MCCC2: variants seen among roughly 807,000 people sequenced by gnomAD.
MCCC2 encodes the protein methylcrotonoyl-CoA carboxylase beta chain, mitochondrial.
MCCC2 carries 52 observed loss-of-function variants against 77.2 expected under a neutral mutation model. The ratio of observed to expected loss-of-function variants is 0.67; its 90% confidence interval spans 0.54 to 0.85. MCCC2 has a LOEUF of 0.85. Among genes scored for constraint, MCCC2 ranks in the 40% least tolerant of loss-of-function variants. The pLI is 0.00. For missense variants in MCCC2, 682 were observed against 703.2 expected, an observed-to-expected ratio of 0.97 and a Z score of 0.34; for synonymous variants, 253 against 248.4, an observed-to-expected ratio of 1.02 and a Z score of -0.18.
intron 2 of MCCC2, among the ~76,000 whole-genome samples, chr5:71,595,903 A>G (rs1330338956): frequency 1.3e-5 from 2 of 152,230 alleles, no homozygotes; most frequent in African/African-American, 2.4e-5. Context: ...TTTACCTGGT[A>G]CAAATGAAGA....
rs1746539775 is a variant in MCCC2 at position 71,626,734 on chromosome 5, T to C, written c.719T>C (p.Phe240Ser). The C allele has an allele frequency of 1.2e-6, 2 of 1,614,198 alleles. No individual in the cohort carries two copies. The highest frequency in any genetic ancestry group is 2.2e-5 in the East Asian group (1 of 44,882). Residue 240 changes from phenylalanine to serine, a missense_variant, in exon 7 of 17, where the codon TTC becomes TCC. Phe to Ser is a radical substitution (Grantham distance 155). Transcript: ENST00000340941. ...NIIVRKQGTI[F>S]LAGPPLVKAA... ...ATTGTACGCAAGCAGGGTACCATTT[T>C]CTTGGCAGGACCCCCCTTGGTAAGA...
At chr5:71,641,394 A>G (rs1747118972) in intron 11 of MCCC2, 1 of 335,586 alleles carries the variant, frequency 3.0e-6, no homozygotes, top group Non-Finnish European at 5.6e-6. Context: ...GTTTTTCTGG[A>G]TAACAATAAT....
intron 16 of MCCC2, among the ~76,000 whole-genome samples, chr5:71,655,509 C>T (rs920510533): frequency 3.3e-5 from 5 of 152,172 alleles, no homozygotes; most frequent in Non-Finnish European, 7.3e-5. Context: ...CCCTTCATCA[C>T]CATGCTTGCT....
chr5:71,623,151 A>G (rs1323046100), intron 6 of MCCC2, among the ~76,000 whole-genome samples: 1 of 152,244 alleles, frequency 6.6e-6, no homozygotes, highest in Non-Finnish European at 1.5e-5. Context: ...GATGCACTTC[A>G]ATTGTAGTCA....
intron 2 of MCCC2, among the ~76,000 whole-genome samples, chr5:71,594,836 C>G (rs1745111441): frequency 6.6e-6 from 1 of 151,876 alleles, no homozygotes; most frequent in African/African-American, 2.4e-5. Flanking sequence ...CCAGCTGCTC[C>G]AAATTGTAAG....
intron 6 of MCCC2, among the ~76,000 whole-genome samples, chr5:71,604,897 C>T: frequency 7.0e-6 from 1 of 143,614 alleles, no homozygotes; most frequent in Non-Finnish European, 1.5e-5. Context: ...CATGTCCCTA[C>T]AAAGGACATG....
chr5:71,624,289 C>A (rs542713173), intron 6 of MCCC2, among the ~76,000 whole-genome samples: 24 of 152,352 alleles, frequency 1.6e-4, no homozygotes, highest in African/African-American at 5.8e-4. Context: ...GGAGGAGACA[C>A]AAACATTCAG....
chr5:71,611,157 T>C (rs1296134399), intron 6 of MCCC2, among the ~76,000 whole-genome samples: 1 of 152,102 alleles, frequency 6.6e-6, no homozygotes, highest in Non-Finnish European at 1.5e-5. Context: ...TCCCAGCACT[T>C]TGGGAGGCTG....
chr5:71,614,106 T>G (rs1746070962), intron 6 of MCCC2, among the ~76,000 whole-genome samples: 1 of 151,966 alleles, frequency 6.6e-6, no homozygotes, highest in South Asian at 2.1e-4. Flanking sequence ...TCTATTTCCC[T>G]TAAATAGGAA....
At chr5:71,645,160 A>C (rs1057121992) in intron 12 of MCCC2, among the ~76,000 whole-genome samples, 15 of 152,168 alleles carry the variant, frequency 9.9e-5, no homozygotes, top group Non-Finnish European at 1.6e-4. Flanking sequence ...TTTATTTGTC[A>C]GCTTGGTACA....
chr5:71,652,624 A>G (rs1371782358), intron 15 of MCCC2, 45 bp from the exon 16 acceptor site: 1 of 1,444,048 alleles, frequency 6.9e-7, no homozygotes, highest in Non-Finnish European at 9.7e-7. Flanking sequence ...AAACAGGGCC[A>G]GTTGTTCACT....
In MCCC2 at chr5:71,630,569, C is replaced by G. The variant is rs562061054; in HGVS notation, c.739-1552C>G. On this transcript the variant is annotated intron_variant, in intron 7 of 16. Transcript: ENST00000340941. Reference sequence around the variant, plus strand: ...TTTGCAACTTTAAATATCCAGACACCTCTTATAATTTGTTATTGTCTGGAC... The same window carrying G: ...TTTGCAACTTTAAATATCCAGACACGTCTTATAATTTGTTATTGTCTGGAC... Among the ~76,000 whole-genome samples, 8 of 151,810 alleles carry G rather than the reference C, an allele frequency of 5.3e-5. No homozygotes were observed. The South Asian group carries it at 1.7e-3, about 32-fold the overall frequency.
In MCCC2 at chr5:71,639,192, C is replaced by T. The variant is rs114439441; in HGVS notation, c.1000-1811C>T. ...ACGAGAGAGTAAGCCTGTCCTCAGA[C>T]GACGTGCACTAACCTCTCCCCAGCT... On this transcript the variant is annotated intron_variant, in intron 10 of 16. Transcript: ENST00000340941. Among the ~76,000 whole-genome samples, 469 of 152,308 alleles carry T rather than the reference C, an allele frequency of 3.1e-3. 2 individuals carry two copies. The highest frequency in any genetic ancestry group is 0.011 in the African/African-American group (441 of 41,560).
At chr5:71,591,843 C>T (rs1744997066) in intron 1 of MCCC2, among the ~76,000 whole-genome samples, 1 of 152,198 alleles carries the variant, frequency 6.6e-6, no homozygotes, top group Admixed American at 6.5e-5. Context: ...GCTTCAAACT[C>T]CTGGGCTCAA....
intron 6 of MCCC2, among the ~76,000 whole-genome samples, chr5:71,609,858 G>T (rs1745847877): frequency 6.6e-6 from 1 of 151,982 alleles, no homozygotes; most frequent in African/African-American, 2.4e-5. Context: ...CTGCTGGGGG[G>T]TGCCTCCCAG....
chr5:71,636,979 G>A (rs951141806), intron 10 of MCCC2, among the ~76,000 whole-genome samples: 23 of 151,880 alleles, frequency 1.5e-4, no homozygotes, highest in African/African-American at 5.1e-4. Context: ...CCTGACCTTA[G>A]GTGATCCGCC....
chr5:71,598,071 C>CTTTT (rs541775693), intron 3 of MCCC2, among the ~76,000 whole-genome samples: 5 of 129,482 alleles, frequency 3.9e-5, no homozygotes, highest in South Asian at 2.5e-4. Flanking sequence ...GTGAGTGTTT[C>CTTTT]TTTTTTTTTT....
In MCCC2 at chr5:71,633,131, A is replaced by ATTTTTTTTTTTTTT. The variant is rs1306338509; in HGVS notation, c.803+951_803+952insTTTTTTTTTTTTTT. On this transcript the variant is annotated intron_variant, in intron 8 of 16. Transcript: ENST00000340941. ...TATATATATATATATATATATATAT[A>ATTTTTTTTTTTTTT]TTTTTATTTTTTGTAGAAACAGGTG... Among the ~76,000 whole-genome samples, 275 of 77,898 alleles carry ATTTTTTTTTTTTTT rather than the reference A, an allele frequency of 3.5e-3. 11 individuals are homozygous for ATTTTTTTTTTTTTT. Among genetic ancestry groups the ATTTTTTTTTTTTTT allele is most frequent in the East Asian group, 0.018 (37 of 2,034 alleles). The allele number at this position is 77,898 out of a possible 152,430, so 51.1% of individuals were successfully genotyped here.
intron 16 of MCCC2, among the ~76,000 whole-genome samples, chr5:71,653,307 T>C (rs1373715962): frequency 6.6e-6 from 1 of 152,046 alleles, no homozygotes; most frequent in African/African-American, 2.4e-5. Flanking sequence ...GCTCGGTTTT[T>C]TTCTTACACC....
Sources: allele counts gnomAD v4.1 joint callset (sites outside exome capture counted in the v4.1 genomes callset), GRCh38; gene constraint gnomAD v4.1.1; transcripts MANE v1.5; gene names NCBI Gene and HGNC (gene_info 2026-07-23, HGNC 2026-07-21).